Variants in ECT2 observed in about 807,000 individuals in gnomAD.
ECT2 encodes the protein epithelial cell transforming 2.
ECT2 carries 61 observed loss-of-function variants against 116.9 expected under a neutral mutation model. The ratio of observed to expected loss-of-function variants is 0.52; its 90% CI spans 0.42 to 0.65. The LOEUF (loss-of-function observed/expected upper bound fraction) is 0.65. Ranked by LOEUF, ECT2 falls within the 30% of genes least tolerant of loss-of-function variation. The pLI, the probability that ECT2 is intolerant of heterozygous loss-of-function variation, is 0.00. For synonymous variants in ECT2, 358 were observed against 346.4 expected (o/e 1.03, Z -0.37); for missense variants, 937 against 1,078.7 (o/e 0.87, Z 1.84).
At chr3:172,778,588 C>CTTTTTTTTTT (rs5854485) in intron 14 of ECT2, among the ~76,000 whole-genome samples, 3 of 59,778 alleles carry the variant, frequency 5.0e-5, no homozygotes, top group African/African-American at 1.2e-4. Context: ...TATTAGCTAT[C>CTTTTTTTTTT]TTTTTTTTTT....
At chr3:172,814,619 G>A (rs1729376434) in intron 22 of ECT2, among the ~76,000 whole-genome samples, 1 of 152,006 alleles carries the variant, frequency 6.6e-6, no homozygotes, top group African/African-American at 2.4e-5. Context: ...TAATTGTCTT[G>A]TTTAAGTGGT....
chr3:172,826,676 ACTTCATTGTTGC>A, the ECT2 span, among the ~76,000 whole-genome samples: 2 of 152,218 alleles, frequency 1.3e-5, no homozygotes, highest in Non-Finnish European at 2.9e-5. Flanking sequence ...ACTGTGGCCA[ACTTCATTGTTGC>A]CTTATTTTAA....
Position 172,786,718 on chromosome 3 carries a change from A to G in ECT2, c.1907+144A>G. The G allele has an allele frequency of 5.1e-6, 3 of 591,008 alleles. No homozygotes were observed. The South Asian group carries it at 7.1e-5, about 14-fold the overall frequency. 36.6% of individuals were successfully genotyped at this position (591,008 alleles called of 1,614,324 possible). The stretch of plus-strand genomic sequence containing the variant: ...TTTTCTAATAGTGTAGTTACACATT[A>G]AAATGAAGTATTGTAAGAATACATT... On this transcript the variant is annotated intron_variant, in intron 18 of 24. Transcript: ENST00000392692.
chr3:172,821,811 C>T, downstream of ECT2, among the ~76,000 whole-genome samples: 1 of 151,650 alleles, frequency 6.6e-6, no homozygotes, highest in Non-Finnish European at 1.5e-5. Context: ...TTTCCAGAGA[C>T]AAGAAATGAC....
intron 18 of ECT2, among the ~76,000 whole-genome samples, chr3:172,797,597 C>G (rs1232268097): frequency 6.6e-6 from 1 of 151,978 alleles, no homozygotes; most frequent in African/African-American, 2.4e-5. Context: ...TAACATTGTT[C>G]CTTTGTCTAA....
intron 14 of ECT2, among the ~76,000 whole-genome samples, chr3:172,776,306 T>C (rs1721727383): frequency 2.0e-5 from 3 of 151,600 alleles, no homozygotes; most frequent in Admixed American, 6.6e-5. Flanking sequence ...TTGTCAAATA[T>C]TTAAAAATTT....
rs573029833 is a variant in ECT2, at chr3:172,763,056, A to G, written c.1068+84A>G. 2.9e-6 allele frequency: 4 copies of G among 1,387,290 alleles called. No individual in the cohort carries two copies. The African/African-American group carries it at 4.3e-5, about 15-fold the overall frequency. The allele number at this position is 1,387,290 out of a possible 1,614,324, so 85.9% of individuals were successfully genotyped here. A position where few individuals can be genotyped will look rare whatever the true frequency, so the allele number is the denominator to read the frequency against. On this transcript the variant is annotated intron_variant, in intron 11 of 24. Transcript: ENST00000392692. ...TTTTCTGTCCAGAAGGTTTAGAAGC[A>G]TGTTTAGGAATTTCAGAATGATTAA...
intron 18 of ECT2, among the ~76,000 whole-genome samples, chr3:172,793,513 G>T (rs1725056223): frequency 7.0e-6 from 1 of 142,686 alleles, no homozygotes; most frequent in South Asian, 2.3e-4. Flanking sequence ...GCCCAGACTG[G>T]AGTGCAGTGG....
intron 12 of ECT2, among the ~76,000 whole-genome samples, chr3:172,768,552 T>C (rs1356462438): frequency 1.3e-5 from 2 of 152,218 alleles, no homozygotes; most frequent in Admixed American, 1.3e-4. Context: ...TACATTATTA[T>C]AGTAAGGAAA....
At chr3:172,756,301 T>A (rs895244308) in intron 4 of ECT2, among the ~76,000 whole-genome samples, 2 of 151,402 alleles carry the variant, frequency 1.3e-5, no homozygotes, top group Admixed American at 6.6e-5. Context: ...AAAAAAAAAT[T>A]TTTTTTTTAA....
chr3:172,788,524 T>C (rs987677005), intron 18 of ECT2, among the ~76,000 whole-genome samples: 2 of 152,170 alleles, frequency 1.3e-5, no homozygotes, highest in African/African-American at 2.4e-5. Flanking sequence ...TTCTGGCCCA[T>C]CCTGTTTTAC....
At chr3:172,751,801 C>T (rs1330233721) in intron 1 of ECT2, among the ~76,000 whole-genome samples, 1 of 152,132 alleles carries the variant, frequency 6.6e-6, no homozygotes, top group Admixed American at 6.5e-5. Context: ...TTTATGAACA[C>T]TGATCCTATT....
intron 14 of ECT2, among the ~76,000 whole-genome samples, chr3:172,778,134 A>G (rs1722070563): frequency 6.6e-6 from 1 of 152,182 alleles, no homozygotes; most frequent in Non-Finnish European, 1.5e-5. Flanking sequence ...AACAAGGAAG[A>G]AAAGAAGTAA....
At chr3:172,758,605 A>T (rs1367276976) in intron 5 of ECT2, among the ~76,000 whole-genome samples, 2 of 152,156 alleles carry the variant, frequency 1.3e-5, no homozygotes, top group African/African-American at 4.8e-5. Flanking sequence ...TGTTTATTAT[A>T]AAATGCCTCT....
chr3:172,773,859 C>CT (rs754372623), intron 13 of ECT2, 44 bp from the exon 14 acceptor site: 70 of 1,579,804 alleles, frequency 4.4e-5, no homozygotes, highest in Admixed American at 1.7e-5. Context: ...TAGCTCTTTT[C>CT]TTTTTCCCAC....
chr3:172,810,956 C>CA (rs1728664962), intron 22 of ECT2, among the ~76,000 whole-genome samples: 1 of 152,002 alleles, frequency 6.6e-6, no homozygotes, highest in Admixed American at 6.6e-5. Context: ...CCTGCCCTTC[C>CA]AAAGCTTCTT....
intron 21 of ECT2, among the ~76,000 whole-genome samples, chr3:172,806,626 A>T: frequency 1.4e-5 from 2 of 144,294 alleles, no homozygotes; most frequent in Non-Finnish European, 3.0e-5. Context: ...TTTATAAGAA[A>T]TGATTCTTTC....
At chr3:172,780,867 G>A (rs1009713198) in intron 14 of ECT2, among the ~76,000 whole-genome samples, 3 of 151,514 alleles carry the variant, frequency 2.0e-5, no homozygotes, top group African/African-American at 7.3e-5. Flanking sequence ...AATGGCTACT[G>A]TCTGTTGCCT....
chr3:172,815,742 A>G (rs747941187), intron 23 of ECT2, 31 bp downstream of exon 23: 1 of 1,305,046 alleles, frequency 7.7e-7, no homozygotes, highest in South Asian at 1.3e-5. Context: ...TATTTAGCAC[A>G]TCTCTAACAT....
Sources: gnomAD v4.1 joint callset for allele counts (sites outside exome capture counted in the v4.1 genomes callset) on GRCh38, gnomAD v4.1.1 for gene constraint, MANE v1.5 for transcripts, NCBI Gene and HGNC (gene_info 2026-07-23, HGNC 2026-07-21) for gene names.